The following TMEM232 variants were observed in gnomAD, a reference collection of about 807,000 sequenced individuals.
TMEM232 encodes transmembrane protein 232.
In TMEM232, 80 loss-of-function variants were observed where a neutral mutation model predicts 78.8. That is an observed-to-expected ratio of 1.01 (90% CI 0.85 to 1.22). TMEM232 has a LOEUF of 1.22. Among genes scored for constraint, TMEM232 ranks in the 50% most tolerant of loss-of-function variants. The pLI is 0.00. For missense variants in TMEM232, 881 were observed against 742.2 expected, an observed-to-expected ratio of 1.19 and a Z score of -2.17; for synonymous variants, 297 against 254.3, an observed-to-expected ratio of 1.17 and a Z score of -1.60.
At chr5:110,481,239 T>TA (rs759860501) in intron 12 of TMEM232, among the ~76,000 whole-genome samples, 2 of 152,138 alleles carry the variant, frequency 1.3e-5, no homozygotes, top group Admixed American at 6.6e-5. Flanking sequence ...TGTTCAATGT[T>TA]AAATTGCACT....
intron 10 of TMEM232, among the ~76,000 whole-genome samples, chr5:110,571,120 G>T (rs1776890942): frequency 6.6e-6 from 1 of 152,018 alleles, no homozygotes; most frequent in Admixed American, 6.6e-5. Context: ...TCCATGGCTA[G>T]CTAGGTGCCC....
chr5:110,718,504 C>G (rs1340630949), intron 1 of TMEM232, among the ~76,000 whole-genome samples: 5 of 152,068 alleles, frequency 3.3e-5, no homozygotes, highest in African/African-American at 1.2e-4. Flanking sequence ...GTCATTATCT[C>G]TTGCTGCTTT....
chr5:110,656,408 T>G (rs926657331), intron 2 of TMEM232, among the ~76,000 whole-genome samples: 1 of 152,046 alleles, frequency 6.6e-6, no homozygotes, highest in African/African-American at 2.4e-5. Context: ...TTATGTTAAT[T>G]TTTTTTTGTT....
intron 1 of TMEM232, among the ~76,000 whole-genome samples, chr5:110,680,099 G>A (rs1388014502): frequency 2.6e-5 from 4 of 151,942 alleles, no homozygotes; most frequent in Non-Finnish European, 4.4e-5. Flanking sequence ...CCCCAGGTGA[G>A]TTTAATATGC....
At chr5:110,526,286 G>A (rs1386508824) in intron 12 of TMEM232, among the ~76,000 whole-genome samples, 1 of 150,498 alleles carries the variant, frequency 6.6e-6, no homozygotes, top group Admixed American at 6.6e-5. Flanking sequence ...AAAAAAAGAT[G>A]AGAAACAATA....
intron 12 of TMEM232, among the ~76,000 whole-genome samples, chr5:110,467,814 T>C (rs1003694573): frequency 6.6e-6 from 1 of 152,040 alleles, no homozygotes; most frequent in Non-Finnish European, 1.5e-5. Flanking sequence ...CATGGCTCCT[T>C]CTGTGAGCTA....
At chr5:110,693,485 T>C (rs1045039571) in intron 1 of TMEM232, among the ~76,000 whole-genome samples, 8 of 152,172 alleles carry the variant, frequency 5.3e-5, no homozygotes, top group African/African-American at 1.9e-4. Context: ...AGAAGAAGGC[T>C]TCAGAAGATC....
At chr5:110,585,700 A>T (rs1778728633) in intron 10 of TMEM232, among the ~76,000 whole-genome samples, 1 of 152,034 alleles carries the variant, frequency 6.6e-6, no homozygotes, top group Non-Finnish European at 1.5e-5. Context: ...CAGTTCCAAG[A>T]GCTCTGGGTG....
At chr5:110,712,388 A>C (rs1452778388) in intron 1 of TMEM232, among the ~76,000 whole-genome samples, 1 of 152,018 alleles carries the variant, frequency 6.6e-6, no homozygotes, top group African/African-American at 2.4e-5. Flanking sequence ...AGCTCAAACA[A>C]CTCTATAGGA....
At chr5:110,604,240 C>T (rs1424073101) in intron 10 of TMEM232, among the ~76,000 whole-genome samples, 1 of 151,978 alleles carries the variant, frequency 6.6e-6, no homozygotes, top group Admixed American at 6.6e-5. Flanking sequence ...AAGTTTTTTT[C>T]AACCACAAAA....
chr5:110,705,754 A>ATG (rs1275474588), intron 1 of TMEM232, among the ~76,000 whole-genome samples: 3 of 135,186 alleles, frequency 2.2e-5, no homozygotes, highest in African/African-American at 8.9e-5. Context: ...GTGTGTGTGT[A>ATG]TGTGTGTGCG....
intron 2 of TMEM232, among the ~76,000 whole-genome samples, chr5:110,407,629 G>T (rs906189445): frequency 1.3e-5 from 2 of 152,114 alleles, no homozygotes; most frequent in African/African-American, 4.8e-5. Context: ...CATCCAGACA[G>T]ATAACAAAGA....
intron 2 of TMEM232, among the ~76,000 whole-genome samples, chr5:110,649,441 C>A (rs1159673614): frequency 6.6e-6 from 1 of 151,912 alleles, no homozygotes; most frequent in African/African-American, 2.4e-5. Flanking sequence ...TAGCATTTCA[C>A]AACAAAAAAT....
At chr5:110,460,108 GA>G (rs1313526346) in intron 12 of TMEM232, among the ~76,000 whole-genome samples, 1 of 151,942 alleles carries the variant, frequency 6.6e-6, no homozygotes, top group Non-Finnish European at 1.5e-5. Context: ...GAAGACAATT[GA>G]AAAAAACTTA....
intron 12 of TMEM232, among the ~76,000 whole-genome samples, chr5:110,516,010 C>T (rs955406152): frequency 1.3e-5 from 2 of 152,128 alleles, no homozygotes; most frequent in Non-Finnish European, 2.9e-5. Flanking sequence ...GAGGCCAGGG[C>T]GGGCGGATCA....
chr5:110,669,831 G>A (rs1267805130), intron 1 of TMEM232, among the ~76,000 whole-genome samples: 12 of 152,230 alleles, frequency 7.9e-5, no homozygotes, highest in South Asian at 2.1e-4. Context: ...TTCAATATAC[G>A]CAAATCAATA....
At chr5:110,445,580 A>C (rs1360796156) in intron 12 of TMEM232, among the ~76,000 whole-genome samples, 1 of 151,990 alleles carries the variant, frequency 6.6e-6, no homozygotes, top group African/African-American at 2.4e-5. Context: ...AAATTACCCC[A>C]TAATTAACAA....
At chr5:110,705,016 C>T (rs1014495461) in intron 1 of TMEM232, among the ~76,000 whole-genome samples, 2 of 152,014 alleles carry the variant, frequency 1.3e-5, no homozygotes, top group Non-Finnish European at 2.9e-5. Context: ...ACAAGGATAT[C>T]ACTGAAGGAC....
intron 6 of TMEM232, among the ~76,000 whole-genome samples, chr5:110,626,653 T>G (rs1366816403): frequency 6.6e-6 from 1 of 152,106 alleles, no homozygotes; most frequent in Non-Finnish European, 1.5e-5. Context: ...TTTTTTGAAA[T>G]AGTTCACAAT....
Sources: gnomAD v4.1 joint callset for allele counts (sites outside exome capture counted in the v4.1 genomes callset) on GRCh38, gnomAD v4.1.1 for gene constraint, MANE v1.5 for transcripts, NCBI Gene and HGNC (gene_info 2026-07-23, HGNC 2026-07-21) for gene names.